The following PRKAA1 variants were observed in gnomAD, a reference collection of about 807,000 sequenced individuals.
PRKAA1 encodes 5'-AMP-activated protein kinase catalytic subunit alpha-1.
A neutral mutation model predicts 56.9 loss-of-function variants in PRKAA1; 23 were observed. The observed-to-expected ratio is 0.40, with a 90% confidence interval of 0.29 to 0.57. The LOEUF (loss-of-function observed/expected upper bound fraction) is 0.57. Among genes scored for constraint, PRKAA1 ranks in the 20% least tolerant of loss-of-function variants. PRKAA1 has a pLI of 0.39. For missense variants in PRKAA1, 413 were observed against 679.7 expected (o/e 0.61, Z 4.36); for synonymous variants, 226 against 227.0 (o/e 1.00, Z 0.04).
intron 3 of PRKAA1, 77 bp downstream of exon 3, chr5:40,775,333 G>T: frequency 8.0e-6 from 9 of 1,125,788 alleles, no homozygotes; most frequent in Non-Finnish European, 1.2e-5. Flanking sequence ...CTTAAAATTG[G>T]TTGCTGACAT....
At chr5:40,785,835 CACACAGAGAGAGAGAGAG>C (rs765333891) in intron 1 of PRKAA1, among the ~76,000 whole-genome samples, 31,791 of 142,046 alleles carry the variant, frequency 0.22, 4,187 homozygotes, top group Admixed American at 0.38. Flanking sequence ...CACACACACA[CACACAGAGAGAGAGAGAG>C]AGAGAGAGAG....
intron 3 of PRKAA1, among the ~76,000 whole-genome samples, 154 bp from the exon 4 acceptor site, chr5:40,772,017 G>T (rs1743770926): frequency 6.6e-6 from 1 of 152,192 alleles, no homozygotes; most frequent in Non-Finnish European, 1.5e-5. Context: ...GGAGATACCT[G>T]CAGCACAAAA....
At position 40,767,936 on chromosome 5, in the gene PRKAA1, G is replaced by A. The variant is rs191373478; in HGVS notation, c.597-246C>T. ...ATTTACTATGGCCCTGATGGGATCT[G>A]ACAATAGGGCCAAATCTTGAACAAA... On this transcript the variant is annotated intron_variant, in intron 5 of 8. Transcript: ENST00000397128. 3.7e-4 allele frequency among the ~76,000 whole-genome samples: 56 copies of A among 152,252 alleles called. 1 individual carries two copies. Among genetic ancestry groups the A allele is most frequent in the Admixed American group, 2.4e-3 (37 of 15,294 alleles).
At chr5:40,778,779 A>ATTTT (rs70988808) in intron 1 of PRKAA1, among the ~76,000 whole-genome samples, 6 of 57,794 alleles carry the variant, frequency 1.0e-4, no homozygotes, top group Non-Finnish European at 8.8e-5. Context: ...CTGTTTTTTA[A>ATTTT]TTTTTTTTTT....
chr5:40,775,119 T>G, intron 3 of PRKAA1: 1 of 721,044 alleles, frequency 1.4e-6, no homozygotes, highest in South Asian at 1.9e-5. Flanking sequence ...AGCATAAGTC[T>G]GAGGATTATG....
chr5:40,763,106 G>T, intron 8 of PRKAA1, 84 bp from the exon 9 acceptor site: 1 of 1,416,686 alleles, frequency 7.1e-7, no homozygotes, highest in Non-Finnish European at 9.8e-7. Flanking sequence ...GCTTCTTTAA[G>T]TGGGGCTGCT....
chr5:40,783,112 C>T (rs1186609752), intron 1 of PRKAA1, among the ~76,000 whole-genome samples: 1 of 152,112 alleles, frequency 6.6e-6, no homozygotes, highest in Admixed American at 6.5e-5. Context: ...ACACAAATTA[C>T]ATGATCAGGA....
chr5:40,780,298 C>T (rs142520154), intron 1 of PRKAA1, among the ~76,000 whole-genome samples: 1 of 152,054 alleles, frequency 6.6e-6, no homozygotes, highest in Admixed American at 6.6e-5. Context: ...TTATCACAGC[C>T]TTTTTGCAAG....
At chr5:40,791,959 A>G (rs1344611302) in intron 1 of PRKAA1, among the ~76,000 whole-genome samples, 2 of 152,196 alleles carry the variant, frequency 1.3e-5, no homozygotes, top group African/African-American at 4.8e-5. Flanking sequence ...TAGTAACATT[A>G]TTTTTCATAT....
At chr5:40,774,875 A>G (rs1743923145) in intron 3 of PRKAA1, 3 of 1,429,858 alleles carry the variant, frequency 2.1e-6, no homozygotes, top group Middle Eastern at 3.5e-4. Context: ...GTAGTGTTCA[A>G]AATGTCCTAC....
chr5:40,783,971 A>G (rs1744367571), intron 1 of PRKAA1, among the ~76,000 whole-genome samples: 1 of 152,168 alleles, frequency 6.6e-6, no homozygotes, highest in Admixed American at 6.5e-5. Context: ...TGGGCAAGTT[A>G]AAGAAACTAC....
At chr5:40,790,538 T>TCTG (rs373477888) in intron 1 of PRKAA1, among the ~76,000 whole-genome samples, 1 of 145,390 alleles carries the variant, frequency 6.9e-6, no homozygotes, top group African/African-American at 2.6e-5. Flanking sequence ...TTTTTTTTTT[T>TCTG]TTGTTGTTGT....
At chr5:40,791,971 T>C (rs1385359534) in intron 1 of PRKAA1, among the ~76,000 whole-genome samples, 1 of 152,244 alleles carries the variant, frequency 6.6e-6, no homozygotes, top group Admixed American at 6.5e-5. Context: ...TTTTCATATT[T>C]ATTTTTACAA....
At chr5:40,779,385 T>C (rs1049271200) in intron 1 of PRKAA1, among the ~76,000 whole-genome samples, 2 of 152,182 alleles carry the variant, frequency 1.3e-5, no homozygotes, top group Admixed American at 6.5e-5. Context: ...AGACACTTAT[T>C]TCCATTTTTA....
At chr5:40,780,904 T>C (rs1048462055) in intron 1 of PRKAA1, among the ~76,000 whole-genome samples, 3 of 152,148 alleles carry the variant, frequency 2.0e-5, no homozygotes, top group Admixed American at 1.3e-4. Flanking sequence ...TCTAGGTATT[T>C]CTTAATCCAG....
At chr5:40,788,577 C>T (rs1199645260) in intron 1 of PRKAA1, among the ~76,000 whole-genome samples, 1 of 152,116 alleles carries the variant, frequency 6.6e-6, no homozygotes, top group East Asian at 1.9e-4. Flanking sequence ...GACGCGTAAT[C>T]CCAACACTTT....
chr5:40,765,751 T>A (rs1184267528), intron 6 of PRKAA1, among the ~76,000 whole-genome samples: 1 of 64,734 alleles, frequency 1.5e-5, no homozygotes, highest in Non-Finnish European at 3.2e-5. Flanking sequence ...GAATTGAGGT[T>A]AAAAAAAAAA....
At chr5:40,787,856 C>G (rs1744561080) in intron 1 of PRKAA1, among the ~76,000 whole-genome samples, 1 of 152,064 alleles carries the variant, frequency 6.6e-6, no homozygotes, top group Admixed American at 6.6e-5. Context: ...ATAATTACTT[C>G]CAATGTAAAC....
chr5:40,770,524 G>C (rs1335694884), intron 4 of PRKAA1, among the ~76,000 whole-genome samples: 6 of 150,616 alleles, frequency 4.0e-5, no homozygotes, highest in Non-Finnish European at 8.9e-5. Context: ...AAGAAAAGAA[G>C]AGATTCCTTT....
Sources: allele counts gnomAD v4.1 joint callset (sites outside exome capture counted in the v4.1 genomes callset), GRCh38; gene constraint gnomAD v4.1.1; transcripts MANE v1.5; gene names NCBI Gene and HGNC (gene_info 2026-07-23, HGNC 2026-07-21).